The following LIMS1 variants were observed in gnomAD, a reference collection of about 807,000 sequenced individuals.
LIMS1 encodes LIM and senescent cell antigen-like-containing domain protein 1.
A neutral mutation model predicts 44.1 loss-of-function variants in LIMS1; 18 were observed. That is an observed-to-expected ratio of 0.41 (90% confidence interval 0.28 to 0.61). The LOEUF is 0.61. Among genes scored for constraint, LIMS1 ranks in the 20% least tolerant of loss-of-function variants. The pLI is 0.32. For missense variants in LIMS1, 201 were observed against 422.0 expected (o/e 0.48, Z 4.59); for synonymous variants, 93 against 149.1 (o/e 0.62, Z 2.74).
intron 1 of LIMS1, among the ~76,000 whole-genome samples, chr2:108,598,818 G>T (rs1686853514): frequency 6.6e-6 from 1 of 152,008 alleles, no homozygotes. Context: ...TTCATTTAAG[G>T]AGTTAGCATC....
downstream of LIMS1, chr2:108,687,241 CAAT>C (rs371035912): frequency 1.1e-4 from 17 of 152,150 alleles, no homozygotes; most frequent in East Asian, 3.1e-3. Context: ...TAATTGTTAA[CAAT>C]AACCTGTTGT....
chr2:108,534,684 G>A (rs1684056567), intron 1 of LIMS1, 90 bp downstream of exon 1: 16 of 750,372 alleles, frequency 2.1e-5, no homozygotes, highest in South Asian at 5.7e-5. Flanking sequence ...TGGCGCGGGC[G>A]GGCGGCCGGG....
intron 1 of LIMS1, among the ~76,000 whole-genome samples, chr2:108,641,348 G>A (rs1272763169): frequency 6.6e-6 from 1 of 152,166 alleles, no homozygotes; most frequent in African/African-American, 2.4e-5. Flanking sequence ...TTTAGATTAA[G>A]TTTCATTTCA....
intron 9 of LIMS1, chr2:108,681,246 A>G: frequency 1.6e-6 from 2 of 1,244,980 alleles, no homozygotes; most frequent in Non-Finnish European, 2.0e-6. Flanking sequence ...ATTTGTAGTC[A>G]TCAGAGATTG....
At chr2:108,666,988 C>T (rs1408755447) in intron 2 of LIMS1, among the ~76,000 whole-genome samples, 6 of 151,244 alleles carry the variant, frequency 4.0e-5, no homozygotes, top group South Asian at 2.1e-4. Context: ...TAAATTTTTA[C>T]GGAGGCTTCA....
intron 1 of LIMS1, among the ~76,000 whole-genome samples, chr2:108,553,390 C>G (rs1314740115): frequency 6.6e-6 from 1 of 152,094 alleles, no homozygotes; most frequent in Non-Finnish European, 1.5e-5. Flanking sequence ...CAGTTGAGGA[C>G]AGTGCTTTAT....
At chr2:108,642,610 C>T (rs981135450) in intron 1 of LIMS1, among the ~76,000 whole-genome samples, 2 of 152,012 alleles carry the variant, frequency 1.3e-5, no homozygotes, top group African/African-American at 4.8e-5. Flanking sequence ...CCGCCCGCCT[C>T]GGCCTCCCAA....
intron 1 of LIMS1, among the ~76,000 whole-genome samples, chr2:108,600,891 TTCTTC>T (rs150372618): frequency 0.058 from 5,313 of 90,846 alleles, 117 homozygotes; most frequent in Middle Eastern, 0.075. Context: ...GAATTGTTCG[TTCTTC>T]TCTTCTCTTC....
intron 2 of LIMS1, among the ~76,000 whole-genome samples, chr2:108,669,701 G>A (rs1214132493): frequency 2.7e-5 from 4 of 149,026 alleles, no homozygotes; most frequent in African/African-American, 9.8e-5. Context: ...ATGTGAAAAA[G>A]GCTTCTTAGC....
intron 2 of LIMS1, chr2:108,660,072 ATTCT>A (rs1691241572): frequency 2.2e-6 from 1 of 453,308 alleles, no homozygotes; most frequent in Non-Finnish European, 4.3e-6. Context: ...CACATAGAAA[ATTCT>A]TTCTGAGTCT....
At chr2:108,546,220 C>T (rs1009369422) in intron 1 of LIMS1, among the ~76,000 whole-genome samples, 11 of 147,262 alleles carry the variant, frequency 7.5e-5, no homozygotes, top group African/African-American at 2.8e-4. Context: ...TGAGGTGTCA[C>T]TTTCTGACTT....
intron 1 of LIMS1, among the ~76,000 whole-genome samples, chr2:108,610,148 A>ATGTGTGTGTG (rs60571292): frequency 1.0e-4 from 15 of 143,274 alleles, no homozygotes; most frequent in African/African-American, 1.3e-4. Flanking sequence ...GTTACAAAAA[A>ATGTGTGTGTG]TGTGTGTGTG....
exon 10 of LIMS1, chr2:108,685,196 A>T (rs763033489): frequency 2.6e-5 from 4 of 152,122 alleles, no homozygotes; most frequent in Non-Finnish European, 5.9e-5. Flanking sequence ...TATTTACTGT[A>T]AGTAGGAGGT....
intron 1 of LIMS1, among the ~76,000 whole-genome samples, chr2:108,595,774 T>G (rs1033239943): frequency 6.6e-6 from 1 of 152,198 alleles, no homozygotes; most frequent in African/African-American, 2.4e-5. Flanking sequence ...TATAATCTTT[T>G]AGGGCCCTCA....
chr2:108,551,865 A>ATGTATACATATGTATATATGTG (rs1405422465), intron 1 of LIMS1, among the ~76,000 whole-genome samples: 3 of 146,180 alleles, frequency 2.1e-5, no homozygotes, highest in Non-Finnish European at 3.0e-5. Flanking sequence ...TGTAGTATAT[A>ATGTATACATATGTATATATGTG]TGTATACATA....
chr2:108,681,189 T>C, intron 9 of LIMS1: 4 of 1,256,478 alleles, frequency 3.2e-6, no homozygotes, highest in Non-Finnish European at 4.0e-6. Flanking sequence ...GTTTTTGTTC[T>C]GTTTCTGTCT....
chr2:108,546,343 C>A (rs1294195833), intron 1 of LIMS1, among the ~76,000 whole-genome samples: 1 of 132,128 alleles, frequency 7.6e-6, no homozygotes, highest in Admixed American at 9.0e-5. Flanking sequence ...TGCAGTGGAT[C>A]GATCATAGCT....
At chr2:108,574,684 A>G (rs1330327423) in intron 1 of LIMS1, among the ~76,000 whole-genome samples, 1 of 152,236 alleles carries the variant, frequency 6.6e-6, no homozygotes, top group Non-Finnish European at 1.5e-5. Flanking sequence ...TTTACAGATG[A>G]GAAATGTGAA....
chr2:108,598,008 T>A (rs1172469609), intron 1 of LIMS1, among the ~76,000 whole-genome samples: 1 of 151,846 alleles, frequency 6.6e-6, no homozygotes, highest in Non-Finnish European at 1.5e-5. Flanking sequence ...GCTATTTTTT[T>A]AAAGCCTTCT....
Sources: allele counts gnomAD v4.1 joint callset (sites outside exome capture counted in the v4.1 genomes callset), GRCh38; gene constraint gnomAD v4.1.1; transcripts MANE v1.5; gene names NCBI Gene and HGNC (gene_info 2026-07-23, HGNC 2026-07-21).